PTPRN2: variants seen among roughly 807,000 people sequenced by gnomAD.
PTPRN2 encodes protein tyrosine phosphatase receptor type N2.
A neutral mutation model predicts 118.8 loss-of-function variants in PTPRN2; 74 were observed. The observed-to-expected ratio is 0.62, with a 90% CI of 0.52 to 0.76. PTPRN2 has a LOEUF of 0.76. PTPRN2 is among the 30% of genes least tolerant of loss of function. The pLI is 0.00. For missense variants in PTPRN2, 1,481 were observed against 1,394.4 expected (o/e 1.06, Z -0.99); for synonymous variants, 641 against 608.0 (o/e 1.05, Z -0.80).
intron 4 of PTPRN2, among the ~76,000 whole-genome samples, chr7:158,198,969 C>T (rs1372558486): frequency 6.7e-6 from 1 of 150,334 alleles, no homozygotes; most frequent in African/African-American, 2.5e-5. Flanking sequence ...TAGCCCTTAG[C>T]ATGTTCTTCT....
intron 2 of PTPRN2, among the ~76,000 whole-genome samples, chr7:158,329,517 G>A (rs1276139995): frequency 6.6e-6 from 1 of 152,152 alleles, no homozygotes; most frequent in Non-Finnish European, 1.5e-5. Context: ...CCAGCCACAT[G>A]AGGACACGTG....
Position 157,794,027 on chromosome 7 carries a change from C to T in PTPRN2, c.1788+104646G>A, listed in dbSNP as rs1004723469. ...CACCCTCCAGGCCACCTTCGGGCCT[C>T]GGCAGCACACCTCGAGGGGCCCAGG... On this transcript the variant is annotated intron_variant, in intron 12 of 22. Coordinates refer to ENST00000389418, the MANE Select transcript of PTPRN2 (RefSeq NM_002847.5). The surrounding 1 kb of genome is among the most constrained non-coding windows in gnomAD (Gnocchi z 5.2). 1.3e-5 allele frequency among the ~76,000 whole-genome samples: 2 copies of T among 152,176 alleles called. No individual in the cohort carries two copies. The highest frequency in any genetic ancestry group is 2.4e-5 in the African/African-American group (1 of 41,444).
chr7:157,844,879 G>T (rs1300787514), intron 12 of PTPRN2, among the ~76,000 whole-genome samples: 1 of 152,216 alleles, frequency 6.6e-6, no homozygotes, highest in Non-Finnish European at 1.5e-5. Context: ...GGGTGCTCGT[G>T]TCCGTGCACT....
At chr7:158,333,423 C>T (rs1181492000) in intron 2 of PTPRN2, among the ~76,000 whole-genome samples, 25 of 147,416 alleles carry the variant, frequency 1.7e-4, no homozygotes, top group Non-Finnish European at 3.7e-4. Context: ...CCCACACTGT[C>T]ACCATAAGAG....
chr7:157,913,754 G>T (rs574678831), intron 11 of PTPRN2, among the ~76,000 whole-genome samples: 1 of 151,962 alleles, frequency 6.6e-6, no homozygotes, highest in Admixed American at 6.5e-5. Context: ...CTATTATTTG[G>T]CTTTTACACC....
intron 11 of PTPRN2, among the ~76,000 whole-genome samples, chr7:157,976,704 T>C (rs1486093240): frequency 6.6e-6 from 1 of 151,868 alleles, no homozygotes; most frequent in Non-Finnish European, 1.5e-5. Context: ...GTGCCGCAGA[T>C]TGGGGTAAAT....
chr7:157,808,737 A>G lies in PTPRN2; in HGVS notation c.1788+89936T>C, dbSNP rs1805790071. On this transcript the variant is annotated intron_variant, in intron 12 of 22. Transcript: ENST00000389418. This position sits in a 1 kb window ranked among gnomAD's most constrained non-coding sequence, Gnocchi z 5.0. ...CTTCCCCCAACCTTGGTCCATGGAA[A>G]AACCGTCTTCCATGGAACAGGTCCC... Among the ~76,000 whole-genome samples, 1 of 152,350 alleles carries G rather than the reference A, an allele frequency of 6.6e-6. No homozygotes were observed. The highest frequency in any genetic ancestry group is 2.4e-5 in the African/African-American group (1 of 41,590).
intron 9 of PTPRN2, among the ~76,000 whole-genome samples, chr7:158,124,527 T>C (rs897372558): frequency 6.6e-6 from 1 of 152,250 alleles, no homozygotes; most frequent in African/African-American, 2.4e-5. Flanking sequence ...TACAAATTAA[T>C]AGGCCATGGC....
chr7:158,136,536 T>G, intron 8 of PTPRN2, 119 bp downstream of exon 8: 2 of 861,470 alleles, frequency 2.3e-6, no homozygotes, highest in Non-Finnish European at 3.7e-6. Context: ...TATGAGGGGT[T>G]TCTCCATAAT....
chr7:158,444,264 C>T (rs1421487511), intron 2 of PTPRN2, among the ~76,000 whole-genome samples: 2 of 152,258 alleles, frequency 1.3e-5, no homozygotes, highest in Admixed American at 6.5e-5. Flanking sequence ...GGCCAGGCCA[C>T]GCCAGTGCCA....
chr7:157,802,608 G>A (rs1805385378), intron 12 of PTPRN2, among the ~76,000 whole-genome samples: 1 of 152,242 alleles, frequency 6.6e-6, no homozygotes, highest in Admixed American at 6.5e-5. Flanking sequence ...TGGGATTGCT[G>A]AATCATATGG....
intron 5 of PTPRN2, among the ~76,000 whole-genome samples, chr7:158,171,250 C>T (rs142237870): frequency 0.023 from 1,052 of 46,520 alleles, 66 homozygotes; most frequent in African/African-American, 0.072. Context: ...CACATATATA[C>T]ACACATATAT....
intron 10 of PTPRN2, among the ~76,000 whole-genome samples, chr7:158,085,546 C>T (rs1414062944): frequency 7.3e-6 from 1 of 136,764 alleles, no homozygotes; most frequent in Non-Finnish European, 1.6e-5. Flanking sequence ...CCCATGACGC[C>T]CATCCACACC....
chr7:158,211,273 T>C lies in PTPRN2; in HGVS notation c.278-6000A>G, dbSNP rs113926202. 1.8e-3 allele frequency among the ~76,000 whole-genome samples: 271 copies of C among 152,276 alleles called. 3 individuals carry two copies. Among genetic ancestry groups the C allele is most frequent in the African/African-American group, 6.1e-3 (254 of 41,556 alleles). ...GTACACTGGATAGTGTAAAGATTTA[T>C]TTAGTAATACCCCATGAGCACAGGC... On this transcript the variant is annotated intron_variant, in intron 3 of 22. Transcript: ENST00000389418.
intron 11 of PTPRN2, among the ~76,000 whole-genome samples, chr7:157,924,106 C>T (rs768276741): frequency 5.3e-5 from 8 of 152,160 alleles, no homozygotes; most frequent in South Asian, 2.1e-4. Context: ...GGAGGGGGCC[C>T]GGTCCTGAGT....
intron 3 of PTPRN2, among the ~76,000 whole-genome samples, chr7:158,281,414 TTG>T (rs901979019): frequency 1.6e-4 from 24 of 152,144 alleles, no homozygotes; most frequent in African/African-American, 5.6e-4. Flanking sequence ...AGTGCATGCT[TTG>T]TGTGTTTTCA....
At chr7:157,543,584 C>T (rs941099317) in intron 22 of PTPRN2, among the ~76,000 whole-genome samples, 7 of 152,226 alleles carry the variant, frequency 4.6e-5, no homozygotes, top group South Asian at 2.1e-4. Context: ...GGCTGGAAGC[C>T]GTGGAGCTTT....
intron 11 of PTPRN2, among the ~76,000 whole-genome samples, chr7:158,073,181 C>T (rs887360841): frequency 1.3e-5 from 2 of 152,204 alleles, no homozygotes; most frequent in African/African-American, 4.8e-5. Flanking sequence ...AGAACCATCT[C>T]GGCTCCTCTG....
At chr7:158,131,624 GACAT>G (rs1320331284) in intron 9 of PTPRN2, among the ~76,000 whole-genome samples, 7 of 131,258 alleles carry the variant, frequency 5.3e-5, no homozygotes, top group African/African-American at 2.1e-4. Context: ...ACATCTACCC[GACAT>G]ACACACTCAT....
Sources: gnomAD v4.1 joint callset for allele counts (sites outside exome capture counted in the v4.1 genomes callset) on GRCh38, gnomAD v4.1.1 for gene constraint, Gnocchi (gnomAD v3.1) non-coding constraint, MANE v1.5 for transcripts, NCBI Gene and HGNC (gene_info 2026-07-23, HGNC 2026-07-21) for gene names.